The following ARHGAP6 variants were observed in gnomAD, a reference collection of about 807,000 sequenced individuals.
ARHGAP6 encodes the protein rho GTPase-activating protein 6.
A neutral mutation model predicts 55.7 loss-of-function variants in ARHGAP6; 16 were observed. That is an observed-to-expected ratio of 0.29 (90% confidence interval 0.19 to 0.44). ARHGAP6 has a LOEUF of 0.44. Ranked by LOEUF, ARHGAP6 falls within the 20% of genes least tolerant of loss-of-function variation. The probability of loss-of-function intolerance (pLI) is 1.00; values close to 1 mark genes in which losing one functional copy is unlikely to be tolerated. For missense variants in ARHGAP6, 698 were observed against 808.9 expected (o/e 0.86, Z 1.66); for synonymous variants, 382 against 360.9 (o/e 1.06, Z -0.66).
intron 1 of ARHGAP6, among the ~76,000 whole-genome samples, chrX:11,342,350 A>G (rs2048717470): frequency 8.9e-6 from 1 of 112,233 alleles, no homozygotes; most frequent in Admixed American, 9.5e-5. Context: ...AAATTTTCCA[A>G]TAACTTTCCT....
chrX:11,272,613 G>T (rs772701949), intron 1 of ARHGAP6, among the ~76,000 whole-genome samples: 7 of 108,272 alleles, frequency 6.5e-5, no homozygotes, highest in Non-Finnish European at 1.3e-4. Flanking sequence ...TCATCTCAAA[G>T]CTCAGATTCT....
chrX:11,446,759 C>A (rs1274949584), intron 1 of ARHGAP6, among the ~76,000 whole-genome samples: 2 of 112,054 alleles, frequency 1.8e-5, no homozygotes, highest in Non-Finnish European at 3.8e-5. Flanking sequence ...TTTACAGAGA[C>A]AATGAAACCA....
chrX:11,451,355 A>G, intron 1 of ARHGAP6, among the ~76,000 whole-genome samples: 1 of 111,872 alleles, frequency 8.9e-6, no homozygotes, highest in Non-Finnish European at 1.9e-5. Flanking sequence ...ACAAAGCCGG[A>G]GTATATTTTC....
At chrX:11,411,183 TTATATATATATATATATATATATATA>T (rs201875323) in intron 1 of ARHGAP6, among the ~76,000 whole-genome samples, 10 of 31,791 alleles carry the variant, frequency 3.1e-4, no homozygotes, top group East Asian at 3.3e-3. Flanking sequence ...CAGACATTAT[TTATATATATATATATATATATATATA>T]TATATATATA....
intron 1 of ARHGAP6, among the ~76,000 whole-genome samples, chrX:11,473,554 G>A (rs2050371586): frequency 9.0e-6 from 1 of 111,450 alleles, no homozygotes; most frequent in Admixed American, 9.5e-5. Flanking sequence ...CTGGAGTCAT[G>A]TAACTGCATG....
intron 1 of ARHGAP6, among the ~76,000 whole-genome samples, chrX:11,345,013 T>C (rs750890714): frequency 1.8e-5 from 2 of 112,524 alleles, no homozygotes; most frequent in Non-Finnish European, 3.8e-5. Flanking sequence ...AAAGTTGCCA[T>C]TGAAATTGAA....
chrX:11,276,132 G>A (rs2047761295), intron 1 of ARHGAP6, among the ~76,000 whole-genome samples: 1 of 111,096 alleles, frequency 9.0e-6, no homozygotes, highest in African/African-American at 3.3e-5. Context: ...AGGAGGGGTG[G>A]GAATGTTTAA....
chrX:11,290,838 A>G (rs1031899539), intron 1 of ARHGAP6, among the ~76,000 whole-genome samples: 1 of 111,923 alleles, frequency 8.9e-6, no homozygotes, highest in African/African-American at 3.2e-5. Context: ...ACAAAACCGA[A>G]ATTCATTTGC....
At chrX:11,603,365 A>T (rs2051999518) in intron 1 of ARHGAP6, among the ~76,000 whole-genome samples, 1 of 112,044 alleles carries the variant, frequency 8.9e-6, no homozygotes, top group Admixed American at 9.5e-5. Context: ...ACAGAGCTTC[A>T]ATGTGAAAAC....
At chrX:11,432,031 C>A (rs369009483) in intron 1 of ARHGAP6, among the ~76,000 whole-genome samples, 1 of 112,176 alleles carries the variant, frequency 8.9e-6, no homozygotes, top group African/African-American at 3.2e-5. Context: ...ATTCCCCCTA[C>A]GCCAATTGTG....
chrX:11,551,335 G>T (rs771905451), intron 1 of ARHGAP6, among the ~76,000 whole-genome samples: 21 of 111,661 alleles, frequency 1.9e-4, no homozygotes, highest in Non-Finnish European at 3.4e-4. Context: ...TCATCTACAG[G>T]CTAATTGCCA....
At chrX:11,290,935 G>T (rs746586312) in intron 1 of ARHGAP6, among the ~76,000 whole-genome samples, 19 of 112,084 alleles carry the variant, frequency 1.7e-4, no homozygotes, top group African/African-American at 5.2e-4. Flanking sequence ...ACAAGCTTGG[G>T]CATATGATTT....
At chrX:11,303,232 G>T (rs1399465362) in intron 1 of ARHGAP6, among the ~76,000 whole-genome samples, 2 of 112,567 alleles carry the variant, frequency 1.8e-5, no homozygotes, top group African/African-American at 6.5e-5. Context: ...TTATTTTTGT[G>T]ATTTGGCTTT....
At chrX:11,406,077 T>A (rs2049605241) in intron 1 of ARHGAP6, among the ~76,000 whole-genome samples, 1 of 110,910 alleles carries the variant, frequency 9.0e-6, no homozygotes, top group African/African-American at 3.3e-5. Context: ...AATATTTTAT[T>A]TTATTTTTAG....
intron 1 of ARHGAP6, among the ~76,000 whole-genome samples, chrX:11,531,085 TA>T (rs1208997477): frequency 2.7e-5 from 3 of 112,107 alleles, no homozygotes; most frequent in Non-Finnish European, 5.6e-5. Context: ...TGAATTAATA[TA>T]TTCATACAGG....
At chrX:11,228,466 G>A (rs1031717737) in intron 2 of ARHGAP6, among the ~76,000 whole-genome samples, 2 of 112,079 alleles carry the variant, frequency 1.8e-5, no homozygotes, top group African/African-American at 6.5e-5. Flanking sequence ...GAGATGTAAA[G>A]TGATGGTTTG....
At chrX:11,323,910 T>G (rs938463002) in intron 1 of ARHGAP6, among the ~76,000 whole-genome samples, 4 of 106,748 alleles carry the variant, frequency 3.7e-5, no homozygotes, top group Non-Finnish European at 7.7e-5. Context: ...AGGGATGATA[T>G]TGAAGATGAA....
chrX:11,592,422 G>A (rs753946444), intron 1 of ARHGAP6, among the ~76,000 whole-genome samples: 2 of 111,763 alleles, frequency 1.8e-5, no homozygotes, highest in Non-Finnish European at 3.8e-5. Context: ...AAAGTACCCA[G>A]GAACTGATGT....
intron 1 of ARHGAP6, among the ~76,000 whole-genome samples, chrX:11,466,388 C>A (rs1407811458): frequency 2.7e-5 from 3 of 110,679 alleles, no homozygotes; most frequent in African/African-American, 9.9e-5. Flanking sequence ...AAAATTATAA[C>A]CTCTTTGGTA....
Sources: gnomAD v4.1 joint callset for allele counts (sites outside exome capture counted in the v4.1 genomes callset) on GRCh38, gnomAD v4.1.1 for gene constraint, MANE v1.5 for transcripts, NCBI Gene and HGNC (gene_info 2026-07-23, HGNC 2026-07-21) for gene names.